The following IRAG2 variants were observed in gnomAD, a reference collection of about 807,000 sequenced individuals.
IRAG2 encodes the protein inositol 1,4,5-triphosphate receptor associated 2.
Under a neutral mutation model 69.9 loss-of-function variants are expected in IRAG2, and 45 were observed. The ratio of observed to expected loss-of-function variants is 0.64; its 90% CI spans 0.51 to 0.83. The LOEUF is 0.83. IRAG2 is among the 40% of genes least tolerant of loss of function. The probability of loss-of-function intolerance (pLI) is 0.00; values close to 1 mark genes in which losing one functional copy is unlikely to be tolerated. For synonymous variants in IRAG2, 193 were observed against 202.4 expected (o/e 0.95, Z 0.40); for missense variants, 520 against 587.0 (o/e 0.89, Z 1.18).
chr12:25,063,229 AT>A (rs1281582896), intron 3 of IRAG2, among the ~76,000 whole-genome samples: 5 of 152,040 alleles, frequency 3.3e-5, no homozygotes, highest in African/African-American at 1.2e-4. Context: ...CGCCCGGCTA[AT>A]TTTTGTATTT....
intron 10 of IRAG2, among the ~76,000 whole-genome samples, chr12:25,030,583 C>T (rs146323516): frequency 0.023 from 3,515 of 152,180 alleles, 133 homozygotes; most frequent in African/African-American, 0.077. Flanking sequence ...GACGGGGTTT[C>T]CTCATGTTGG....
chr12:25,015,105 A>T, intron 3 of IRAG2: 1 of 355,086 alleles, frequency 2.8e-6, no homozygotes, highest in Non-Finnish European at 4.0e-6. Flanking sequence ...AAAAAAAAAA[A>T]AAAAAAAGAC....
At chr12:25,077,664 T>C (rs566658654) in intron 6 of IRAG2, among the ~76,000 whole-genome samples, 2 of 152,146 alleles carry the variant, frequency 1.3e-5, no homozygotes, top group South Asian at 2.1e-4. Flanking sequence ...GGATAAGAAC[T>C]GTGTGTTTAT....
chr12:25,074,705 G>T (rs1396411952), intron 6 of IRAG2, among the ~76,000 whole-genome samples: 1 of 152,150 alleles, frequency 6.6e-6, no homozygotes, highest in Non-Finnish European at 1.5e-5. Flanking sequence ...AGTATATCTT[G>T]AAACAAGCCA....
intron 6 of IRAG2, among the ~76,000 whole-genome samples, chr12:25,077,197 A>T (rs1241075950): frequency 2.4e-5 from 2 of 85,054 alleles, no homozygotes; most frequent in Admixed American, 1.6e-4. Flanking sequence ...TATATATATG[A>T]AATATATATA....
chr12:25,103,755 T>G, intron 17 of IRAG2, 82 bp from the exon 18 acceptor site: 1 of 984,806 alleles, frequency 1.0e-6, no homozygotes, highest in Admixed American at 1.8e-5. Flanking sequence ...CGGATATGCA[T>G]GTACAAGGAT....
intron 9 of IRAG2, 39 bp from the exon 10 acceptor site, chr12:25,083,384 G>A (rs186503275): frequency 1.5e-6 from 2 of 1,321,004 alleles, no homozygotes; most frequent in Non-Finnish European, 2.2e-6. Context: ...ACTTGCTCCT[G>A]CCCCCCTAAC....
At chr12:25,067,686 T>C (rs1946073655) in intron 5 of IRAG2, among the ~76,000 whole-genome samples, 1 of 152,030 alleles carries the variant, frequency 6.6e-6, no homozygotes, top group East Asian at 1.9e-4. Flanking sequence ...TTTATTTTTT[T>C]GGAGGCAGGA....
intron 6 of IRAG2, among the ~76,000 whole-genome samples, chr12:25,078,538 A>G (rs927386478): frequency 2.2e-4 from 34 of 152,228 alleles, no homozygotes; most frequent in African/African-American, 8.0e-4. Context: ...AATTAAAATA[A>G]TATACTAGAA....
rs201335071 is a variant in IRAG2 at position 25,103,945 on chromosome 12, C to G, written c.996+46C>G. 1.1e-5 allele frequency: 18 copies of G among 1,601,344 alleles called. No individual in the cohort carries two copies. In the African/African-American group the frequency reaches 2.4e-4, roughly 21 times the overall value. On this transcript the variant is annotated intron_variant, in intron 18 of 21. Coordinates refer to ENST00000556887, the MANE Select transcript of IRAG2 (RefSeq NM_001366544.2). Reference sequence around the variant, plus strand: ...TCTTAGTCAAAGGTAAATTCATTTTCATATGACAGAAAATATAAACGTATA... The same window carrying G: ...TCTTAGTCAAAGGTAAATTCATTTTGATATGACAGAAAATATAAACGTATA...
At chr12:25,016,624 A>G (rs1016985027) in intron 5 of IRAG2, among the ~76,000 whole-genome samples, 2 of 152,030 alleles carry the variant, frequency 1.3e-5, no homozygotes, top group African/African-American at 4.8e-5. Context: ...TTAGCTGGGC[A>G]TGGTGGTGCA....
At chr12:25,034,380 G>C (rs1189342749) in intron 13 of IRAG2, among the ~76,000 whole-genome samples, 1 of 152,144 alleles carries the variant, frequency 6.6e-6, no homozygotes, top group Admixed American at 6.5e-5. Flanking sequence ...GATTATAATT[G>C]TATCAGCCCA....
Position 25,087,976 on chromosome 12 carries a change from G to T in IRAG2, c.316-124G>T, listed in dbSNP as rs1194009846. ...GAAACTGGTCCCTGGTACCAAAAAG[G>T]TTGGGGACTGCTGTTATAGAGTGTT... On this transcript the variant is annotated intron_variant, in intron 10 of 21. Coordinates refer to ENST00000556887, the MANE Select transcript of IRAG2 (RefSeq NM_001366544.2). 9.0e-6 allele frequency: 6 copies of T among 670,206 alleles called. 1 individual carries two copies. The South Asian group carries it at 1.1e-4, about 13-fold the overall frequency. 41.5% of individuals were successfully genotyped at this position (670,206 alleles called of 1,614,324 possible). A position where few individuals can be genotyped will look rare whatever the true frequency, so the allele number is the denominator to read the frequency against.
At position 25,106,953 on chromosome 12, in the gene IRAG2, G is replaced by T; in HGVS notation, c.1159G>T (p.Asp387Tyr). The change falls in exon 21 of 22, where the codon GAC becomes TAC. Residue 387 changes from aspartate (D) to tyrosine (Y), a missense_variant. Asp to Tyr is a radical substitution (Grantham distance 160). Coordinates refer to ENST00000556887, the MANE Select transcript of IRAG2 (RefSeq NM_001366544.2). ...AACATTTATTTACAGAACTAAAGAT[G>T]ACTCAGAGCCATCTGGAGAAGAAAC... ...EEKCELKTKD[D>Y]SEPSGEETVE... 1.3e-6 allele frequency: 2 copies of T among 1,564,796 alleles called. No homozygotes were observed. Among genetic ancestry groups the T allele is most frequent in the South Asian group, 1.2e-5 (1 of 86,438 alleles).
At chr12:25,017,510 A>G (rs11047758) in intron 6 of IRAG2, among the ~76,000 whole-genome samples, 11,546 of 152,088 alleles carry the variant, frequency 0.076, 580 homozygotes, top group African/African-American at 0.15. Flanking sequence ...TTGAGATCAA[A>G]AGTTTGAGAC....
At chr12:25,065,704 C>T (rs1438683351) in intron 4 of IRAG2, among the ~76,000 whole-genome samples, 5 of 152,196 alleles carry the variant, frequency 3.3e-5, no homozygotes, top group Non-Finnish European at 7.3e-5. Flanking sequence ...TTTTTTGAGA[C>T]AGGGTCTCAC....
chr12:25,032,699 G>A (rs699051), intron 12 of IRAG2, among the ~76,000 whole-genome samples: 56,495 of 151,948 alleles, frequency 0.37, 10,789 homozygotes, highest in African/African-American at 0.4. Context: ...GCAGATTGCC[G>A]ACTTATCCTT....
At chr12:25,000,442 T>C (rs905259042), upstream of IRAG2, among the ~76,000 whole-genome samples, 1 of 148,644 alleles carries the variant, frequency 6.7e-6, no homozygotes, top group Non-Finnish European at 1.5e-5. Flanking sequence ...GGGGGCACCA[T>C]ATCAAAAAAA....
At chr12:25,053,128 A>T (rs1944958155) in intron 1 of IRAG2, among the ~76,000 whole-genome samples, 172 bp downstream of exon 1, 1 of 152,084 alleles carries the variant, frequency 6.6e-6, no homozygotes, top group East Asian at 1.9e-4. Context: ...CTGAGTGGCT[A>T]GGTGCATGCA....
Sources: allele counts gnomAD v4.1 joint callset (sites outside exome capture counted in the v4.1 genomes callset), GRCh38; gene constraint gnomAD v4.1.1; transcripts MANE v1.5; gene names NCBI Gene and HGNC (gene_info 2026-07-23, HGNC 2026-07-21).